Variants in SEPTIN7 observed in about 807,000 individuals in gnomAD.
The protein encoded by SEPTIN7 is septin 7.
SEPTIN7 carries 10 observed loss-of-function variants against 63.3 expected under a neutral mutation model. The ratio of observed to expected loss-of-function variants is 0.16; its 90% CI spans 0.10 to 0.27. The LOEUF is 0.27. Among genes scored for constraint, SEPTIN7 ranks in the 10% least tolerant of loss-of-function variants. The pLI, the probability that SEPTIN7 is intolerant of heterozygous loss-of-function variation, is 1.00. For missense variants in SEPTIN7, 310 were observed against 521.0 expected (o/e 0.59, Z 3.94); for synonymous variants, 131 against 165.3 (o/e 0.79, Z 1.59).
In SEPTIN7 at chr7:35,829,128, CTTTTTTTTTTTT is replaced by C. The variant is rs71553032; in HGVS notation, c.62-2351_62-2340del. ...CACTTCATTATAGTTCATGGACCTT[CTTTTTTTTTTTT>C]TTTTTTTTTTTTGGAGACGGAGTCT... On this transcript the variant is annotated intron_variant, in intron 1 of 13. Coordinates refer to ENST00000350320, the MANE Select transcript of SEPTIN7 (RefSeq NM_001788.6). Among the ~76,000 whole-genome samples the C allele has an allele frequency of 2.8e-4, 17 of 61,068 alleles. No homozygotes were observed. In the East Asian group the frequency reaches 4.1e-3, roughly 15 times the overall value. 40.1% of individuals were successfully genotyped at this position (61,068 alleles called of 152,430 possible).
intron 1 of SEPTIN7, among the ~76,000 whole-genome samples, chr7:35,828,767 G>T (rs1583518843): frequency 6.6e-6 from 1 of 151,802 alleles, no homozygotes; most frequent in South Asian, 2.1e-4. Context: ...TATATTTTCA[G>T]CACCAACCAA....
intron 1 of SEPTIN7, among the ~76,000 whole-genome samples, chr7:35,817,428 CTG>C (rs967711471): frequency 5.3e-5 from 8 of 152,068 alleles, no homozygotes; most frequent in Non-Finnish European, 8.8e-5. Context: ...CAGTACCACA[CTG>C]TTTTGATGAC....
chr7:35,871,322 ACT>A (rs1786137448), intron 4 of SEPTIN7, among the ~76,000 whole-genome samples: 2 of 151,726 alleles, frequency 1.3e-5, no homozygotes, highest in Admixed American at 1.3e-4. Context: ...TTAACAGAAA[ACT>A]CTTGATTGCT....
At chr7:35,894,536 T>G (rs771823911) in intron 11 of SEPTIN7, among the ~76,000 whole-genome samples, 2 of 152,318 alleles carry the variant, frequency 1.3e-5, no homozygotes, top group Non-Finnish European at 2.9e-5. Context: ...CTTTTACTCT[T>G]TATTCAAGTG....
At chr7:35,868,628 G>A (rs958928187) in intron 4 of SEPTIN7, among the ~76,000 whole-genome samples, 1 of 152,114 alleles carries the variant, frequency 6.6e-6, no homozygotes, top group African/African-American at 2.4e-5. Flanking sequence ...GATGAAAAGG[G>A]ATACCTAGGA....
rs1419727271 is a variant in SEPTIN7 at position 35,804,963 on chromosome 7, C to G, written c.61+3693C>G. 3.1e-4 allele frequency among the ~76,000 whole-genome samples: 47 copies of G among 151,758 alleles called. 2 individuals carry two copies. The highest frequency in any genetic ancestry group is 2.8e-3 in the Admixed American group (43 of 15,232). Reference sequence around the variant, plus strand: ...TCAAGCAGTTCTCCTGTCTCAGCCTCGCGAGTAGCTGGGATTACAGGTGCT... The same window carrying G: ...TCAAGCAGTTCTCCTGTCTCAGCCTGGCGAGTAGCTGGGATTACAGGTGCT... On this transcript the variant is annotated intron_variant, in intron 1 of 13. Coordinates refer to ENST00000350320, the MANE Select transcript of SEPTIN7 (RefSeq NM_001788.6).
chr7:35,833,608 C>T (rs1320441526), intron 3 of SEPTIN7, among the ~76,000 whole-genome samples: 6 of 151,964 alleles, frequency 3.9e-5, no homozygotes, highest in Non-Finnish European at 7.4e-5. Flanking sequence ...GTATTTTCAC[C>T]TCATATAGGC....
intron 3 of SEPTIN7, among the ~76,000 whole-genome samples, chr7:35,858,565 A>G (rs1403649616): frequency 6.6e-6 from 1 of 152,068 alleles, no homozygotes; most frequent in African/African-American, 2.4e-5. Flanking sequence ...ATTGTTGGCC[A>G]GGATTATCTC....
At chr7:35,833,629 A>T (rs1266675052) in intron 3 of SEPTIN7, among the ~76,000 whole-genome samples, 2 of 152,026 alleles carry the variant, frequency 1.3e-5, no homozygotes, top group Non-Finnish European at 2.9e-5. Context: ...TGACTTTAGA[A>T]CCTAAGTTAC....
At chr7:35,887,496 A>C (rs1315329199) in intron 10 of SEPTIN7, among the ~76,000 whole-genome samples, 2 of 152,146 alleles carry the variant, frequency 1.3e-5, no homozygotes, top group Admixed American at 6.5e-5. Context: ...ATAGGCATGC[A>C]CCACTACACC....
chr7:35,896,765 G>A (rs1787980567), intron 11 of SEPTIN7, among the ~76,000 whole-genome samples: 1 of 152,122 alleles, frequency 6.6e-6, no homozygotes, highest in African/African-American at 2.4e-5. Context: ...AAAAATATAT[G>A]TCAGGTTAGC....
At chr7:35,914,061 T>C in the SEPTIN7 span, among the ~76,000 whole-genome samples, 1 of 152,228 alleles carries the variant, frequency 6.6e-6, no homozygotes, top group Non-Finnish European at 1.5e-5. Context: ...GAATGAAGTA[T>C]TCCTTTATTT....
chr7:35,858,681 CTTTTT>C (rs376678701), intron 3 of SEPTIN7, among the ~76,000 whole-genome samples: 1 of 127,310 alleles, frequency 7.9e-6, no homozygotes. Context: ...TTTTCTTTTT[CTTTTT>C]TTTTTTTTTT....
At chr7:35,900,055 A>G (rs1788223456) in intron 12 of SEPTIN7, 1 of 152,202 alleles carries the variant, frequency 6.6e-6, no homozygotes, top group Non-Finnish European at 1.5e-5. Context: ...AGTTGATCTC[A>G]TTGCTTTTGT....
intron 3 of SEPTIN7, among the ~76,000 whole-genome samples, chr7:35,838,391 A>C (rs1269814119): frequency 1.6e-5 from 1 of 64,168 alleles, no homozygotes; most frequent in Non-Finnish European, 3.2e-5. Context: ...CTCCCTCCCT[A>C]CAGGGTCTTG....
In SEPTIN7 at chr7:35,872,745, A is replaced by T; in HGVS notation, c.356A>T (p.Asp119Val). 6.2e-7 allele frequency: 1 copy of T among 1,610,544 alleles called. No homozygotes were observed. ...LTIVDTPGFG[D>V]AVDNSNCWQP... ...ATAGTTGATACCCCAGGATTTGGAG[A>T]TGCAGTGGATAATAGTAATTGGTAA... The change falls in exon 5 of 14, where the codon GAT becomes GTT. Residue 119 changes from aspartate (D) to valine (V), a missense_variant. Physicochemically the swap from Asp to Val is radical, Grantham distance 152. This residue lies in a region of SEPTIN7 where 255 missense variants were observed against 490.5 expected (regional missense o/e 0.52). Transcript: ENST00000350320.
chr7:35,839,478 T>C (rs1779668350), intron 3 of SEPTIN7, among the ~76,000 whole-genome samples: 1 of 152,212 alleles, frequency 6.6e-6, no homozygotes. Context: ...TTAATGGCTA[T>C]ATGTGTATTC....
At chr7:35,856,110 T>C (rs1229831510) in intron 3 of SEPTIN7, among the ~76,000 whole-genome samples, 1 of 152,234 alleles carries the variant, frequency 6.6e-6, no homozygotes, top group African/African-American at 2.4e-5. Context: ...TGCTTAGATT[T>C]CACATATATT....
chr7:35,876,139 G>A lies in SEPTIN7; in HGVS notation c.512+2364G>A, dbSNP rs1786461446. Among the ~76,000 whole-genome samples, 2 of 152,044 alleles carry A rather than the reference G, an allele frequency of 1.3e-5. 1 individual carries two copies. Among genetic ancestry groups the A allele is most frequent in the South Asian group, 4.2e-4 (2 of 4,806 alleles). ...GACTTAAATGTTCTTTGACCCTTTGGTTATATTTAAGAAGTTGACTTCCCT... is the reference window on the plus strand; with the variant it reads ...GACTTAAATGTTCTTTGACCCTTTGATTATATTTAAGAAGTTGACTTCCCT... On this transcript the variant is annotated intron_variant, in intron 6 of 13. Coordinates refer to ENST00000350320, the MANE Select transcript of SEPTIN7 (RefSeq NM_001788.6).
Sources: gnomAD v4.1 joint callset for allele counts (sites outside exome capture counted in the v4.1 genomes callset) on GRCh38, gnomAD v4.1.1 for gene constraint, gnomAD v4.1.1 regional missense constraint, MANE v1.5 for transcripts, NCBI Gene and HGNC (gene_info 2026-07-23, HGNC 2026-07-21) for gene names.